The following DCDC2C variants were observed in gnomAD, a reference collection of about 807,000 sequenced individuals.
DCDC2C encodes the protein doublecortin domain containing 2C.
Under a neutral mutation model 45.0 loss-of-function variants are expected in DCDC2C, and 44 were observed. The ratio of observed to expected loss-of-function variants is 0.98; its 90% CI spans 0.77 to 1.26. The LOEUF is 1.26. Among genes scored for constraint, DCDC2C ranks in the 50% most tolerant of loss-of-function variants. The pLI is 0.00. For synonymous variants in DCDC2C, 187 were observed against 178.8 expected (o/e 1.05, Z -0.37); for missense variants, 447 against 468.9 (o/e 0.95, Z 0.43).
At chr2:3,840,506 T>C (rs1672186986) in intron 10 of DCDC2C, among the ~76,000 whole-genome samples, 2 of 152,258 alleles carry the variant, frequency 1.3e-5, no homozygotes, top group South Asian at 4.1e-4. Flanking sequence ...AATGTTGGCA[T>C]GGCTTTCTGC....
chr2:3,727,422 T>G (rs1668722019), intron 3 of DCDC2C, among the ~76,000 whole-genome samples: 1 of 152,186 alleles, frequency 6.6e-6, no homozygotes, highest in Admixed American at 6.5e-5. Flanking sequence ...TCTGAAGCTT[T>G]GTTTTGATTT....
At chr2:3,817,607 G>A (rs537270161) in intron 10 of DCDC2C, among the ~76,000 whole-genome samples, 7 of 152,316 alleles carry the variant, frequency 4.6e-5, no homozygotes, top group South Asian at 2.1e-4. Flanking sequence ...GCTGCCACAT[G>A]CAGACATGAG....
chr2:3,799,772 G>C (rs1671063307), intron 10 of DCDC2C, among the ~76,000 whole-genome samples: 1 of 152,284 alleles, frequency 6.6e-6, no homozygotes, highest in Non-Finnish European at 1.5e-5. Flanking sequence ...TCTCTTCAAA[G>C]CTGTCAGACA....
chr2:3,717,843 G>C (rs961604414), intron 2 of DCDC2C, among the ~76,000 whole-genome samples: 1 of 152,118 alleles, frequency 6.6e-6, no homozygotes, highest in Non-Finnish European at 1.5e-5. Context: ...CTCAAGCCAG[G>C]GTTTTGTGCA....
At chr2:3,803,344 C>T in intron 10 of DCDC2C, among the ~76,000 whole-genome samples, 1 of 151,992 alleles carries the variant, frequency 6.6e-6, no homozygotes, top group East Asian at 1.9e-4. Context: ...CGCCCTTGTT[C>T]ACATCTCAGT....
intron 6 of DCDC2C, among the ~76,000 whole-genome samples, chr2:3,764,308 C>CT (rs1669960704): frequency 6.6e-6 from 1 of 152,206 alleles, no homozygotes; most frequent in South Asian, 2.1e-4. Flanking sequence ...TACGTTTTCC[C>CT]TTTTCCATGG....
intron 1 of DCDC2C, among the ~76,000 whole-genome samples, chr2:3,707,417 A>G (rs1442855047): frequency 6.6e-6 from 1 of 152,218 alleles, no homozygotes; most frequent in African/African-American, 2.4e-5. Context: ...AAACAGGAAG[A>G]CTAGACTAAG....
chr2:3,824,727 C>T (rs1003290301), intron 10 of DCDC2C, among the ~76,000 whole-genome samples: 9 of 152,112 alleles, frequency 5.9e-5, no homozygotes, highest in African/African-American at 2.2e-4. Context: ...AGTCTTGCTC[C>T]GTGCTCTTGC....
At chr2:3,796,977 C>T (rs1042990121) in intron 10 of DCDC2C, among the ~76,000 whole-genome samples, 36 of 152,248 alleles carry the variant, frequency 2.4e-4, no homozygotes, top group African/African-American at 8.2e-4. Flanking sequence ...TGGTAGAATT[C>T]GGCTATGAAT....
chr2:3,729,043 A>T (rs1164693777), intron 3 of DCDC2C, among the ~76,000 whole-genome samples: 1 of 152,206 alleles, frequency 6.6e-6, no homozygotes, highest in East Asian at 1.9e-4. Flanking sequence ...GTCCCTTGTC[A>T]CTTAGGAAGG....
chr2:3,770,045 A>G (rs6720903), intron 8 of DCDC2C, among the ~76,000 whole-genome samples: 51,815 of 152,064 alleles, frequency 0.34, 9,144 homozygotes, highest in South Asian at 0.57. Context: ...GTTCCAGCCC[A>G]GCTGCGCACC....
intron 2 of DCDC2C, among the ~76,000 whole-genome samples, chr2:3,716,699 A>G (rs73910342): frequency 0.075 from 11,418 of 152,212 alleles, 891 homozygotes; most frequent in African/African-American, 0.2. Flanking sequence ...TACTTGAGAA[A>G]TGGCCTTGGG....
Position 3,749,453 on chromosome 2 carries a change from T to C in DCDC2C, c.546-3310T>C, listed in dbSNP as rs190500164. On this transcript the variant is annotated intron_variant, in intron 4 of 10. Coordinates refer to ENST00000399143, the MANE Select transcript of DCDC2C (RefSeq NM_001287444.2). ...CATTTCTATGTCTGTGTGAGTGTAA[T>C]CTGAACATCACATACAGGCTCACAT... is the stretch of plus-strand genomic sequence containing the variant. Among the ~76,000 whole-genome samples, 26 of 152,320 alleles carry C rather than the reference T, an allele frequency of 1.7e-4. No homozygotes were observed. The East Asian group carries it at 4.8e-3, about 28-fold the overall frequency.
chr2:3,715,920 A>T lies in DCDC2C; in HGVS notation c.339+7320A>T, dbSNP rs1236892158. ...CTGGGGGCTGTTTGATTTTAGGATG[A>T]CCAGGTGGTCTTCACTGAGGAGGTG... On this transcript the variant is annotated intron_variant, in intron 2 of 10. Coordinates refer to ENST00000399143, the MANE Select transcript of DCDC2C (RefSeq NM_001287444.2). Among the ~76,000 whole-genome samples the T allele has an allele frequency of 2.6e-5, 4 of 152,294 alleles. No individual in the cohort carries two copies. In the East Asian group the frequency reaches 7.7e-4, roughly 29 times the overall value.
At chr2:3,804,774 A>G (rs369668060) in intron 10 of DCDC2C, among the ~76,000 whole-genome samples, 17 of 152,178 alleles carry the variant, frequency 1.1e-4, no homozygotes, top group African/African-American at 4.1e-4. Flanking sequence ...ACTCGTAACA[A>G]AGGAAGTCTT....
intron 1 of DCDC2C, among the ~76,000 whole-genome samples, chr2:3,706,628 A>G (rs775956402): frequency 6.6e-6 from 1 of 152,200 alleles, no homozygotes; most frequent in Admixed American, 6.5e-5. Context: ...TGTTTACTTT[A>G]GAGCTTGTTG....
intron 4 of DCDC2C, among the ~76,000 whole-genome samples, chr2:3,745,796 A>G (rs1229403554): frequency 2.0e-5 from 3 of 150,330 alleles, no homozygotes; most frequent in Admixed American, 6.6e-5. Flanking sequence ...CTGAGCCTTG[A>G]CCTCCTGGGC....
chr2:3,733,249 A>C (rs940661914), intron 3 of DCDC2C, among the ~76,000 whole-genome samples: 2 of 152,240 alleles, frequency 1.3e-5, no homozygotes, highest in African/African-American at 4.8e-5. Context: ...CCATGTTTAG[A>C]ATTTTCCCAA....
At chr2:3,816,224 C>A (rs1671554750) in intron 10 of DCDC2C, among the ~76,000 whole-genome samples, 2 of 152,084 alleles carry the variant, frequency 1.3e-5, no homozygotes, top group South Asian at 4.2e-4. Flanking sequence ...ATGGAAGACA[C>A]AAAGTCCGAA....
Sources: gnomAD v4.1 joint callset for allele counts (sites outside exome capture counted in the v4.1 genomes callset) on GRCh38, gnomAD v4.1.1 for gene constraint, MANE v1.5 for transcripts, NCBI Gene and HGNC (gene_info 2026-07-23, HGNC 2026-07-21) for gene names.